The following RPUSD4 variants were observed in gnomAD, a reference collection of about 807,000 sequenced individuals.
The protein encoded by RPUSD4 is RNA pseudouridine synthase D4.
In RPUSD4, 37 loss-of-function variants were observed where a neutral mutation model predicts 35.4. That is an observed-to-expected ratio of 1.04 (90% confidence interval 0.80 to 1.37). RPUSD4 has a LOEUF of 1.37. RPUSD4 is among the 40% of genes most tolerant of loss of function. The pLI, the probability that RPUSD4 is intolerant of heterozygous loss-of-function variation, is 0.00. For missense variants in RPUSD4, 507 were observed against 484.9 expected, an observed-to-expected ratio of 1.05 and a Z score of -0.43; for synonymous variants, 210 against 192.7, an observed-to-expected ratio of 1.09 and a Z score of -0.74.
At chr11:126,209,815 C>T (rs1186399527) in intron 2 of RPUSD4, 93 bp from the exon 3 acceptor site, 21 of 1,034,710 alleles carry the variant, frequency 2.0e-5, no homozygotes. Context: ...GATAAACTGT[C>T]AATATTTTCT....
At chr11:126,211,106 GAAGACCTTCCATA>G in intron 1 of RPUSD4, 51 bp from the exon 2 acceptor site, 1 of 1,594,176 alleles carries the variant, frequency 6.3e-7, no homozygotes, top group Non-Finnish European at 8.6e-7. Flanking sequence ...AAGCCGTGGA[GAAGACCTTCCATA>G]AAGGTCTGGG....
chr11:126,204,203 G>T, intron 6 of RPUSD4, 28 bp downstream of exon 6: 1 of 1,484,004 alleles, frequency 6.7e-7, no homozygotes, highest in Non-Finnish European at 9.4e-7. Context: ...TCCCGTATCT[G>T]CTGCACATTG....
intron 1 of RPUSD4, 116 bp from the exon 2 acceptor site, chr11:126,211,171 G>A: frequency 1.6e-6 from 2 of 1,272,738 alleles, no homozygotes; most frequent in Non-Finnish European, 2.2e-6. Context: ...CATCAGACCC[G>A]CGCCGCCTTC....
At chr11:126,208,528 C>T (rs1163775783) in intron 3 of RPUSD4, 4 of 152,220 alleles carry the variant, frequency 2.6e-5, no homozygotes, top group Non-Finnish European at 5.9e-5. Flanking sequence ...TTCTTTTTTG[C>T]TCACGCATCT....
intron 2 of RPUSD4, among the ~76,000 whole-genome samples, chr11:126,210,204 C>T (rs1949830595): frequency 6.6e-6 from 1 of 152,074 alleles, no homozygotes; most frequent in East Asian, 1.9e-4. Flanking sequence ...ATCTGGAAAA[C>T]AACTTCATTG....
intron 2 of RPUSD4, among the ~76,000 whole-genome samples, chr11:126,210,314 A>G (rs762910866): frequency 1.3e-5 from 2 of 152,218 alleles, no homozygotes; most frequent in Non-Finnish European, 2.9e-5. Flanking sequence ...GTGAACAACT[A>G]TCTCCGTATC....
intron 1 of RPUSD4, 138 bp downstream of exon 1, chr11:126,211,312 G>T: frequency 9.5e-7 from 1 of 1,057,954 alleles, no homozygotes; most frequent in Non-Finnish European, 1.4e-6. Context: ...CCTCCCCTCC[G>T]CCTTCTCCCC....
intron 5 of RPUSD4, 66 bp from the exon 6 acceptor site, chr11:126,204,394 G>T: frequency 8.5e-7 from 1 of 1,174,624 alleles, no homozygotes; most frequent in Non-Finnish European, 1.2e-6. Context: ...TACCAGTATT[G>T]GCATCTGCTT....
In RPUSD4 at chr11:126,202,938, G is replaced by A. The variant is rs1421810162; in HGVS notation, c.*480C>T. ...ATACAGGTTCCCTAATCAGAGTTCAGTAGGGCACCCACACTATAGCTGGGC... is the reference window on the plus strand; with the variant it reads ...ATACAGGTTCCCTAATCAGAGTTCAATAGGGCACCCACACTATAGCTGGGC... On this transcript the variant is annotated 3_prime_UTR_variant, in exon 7 of 7. Coordinates refer to ENST00000298317, the MANE Select transcript of RPUSD4 (RefSeq NM_032795.3). The A allele has an allele frequency of 6.0e-6, 1 of 167,400 alleles. No individual in the cohort carries two copies. The highest frequency in any genetic ancestry group is 1.6e-4 in the East Asian group (1 of 6,352). 10.4% of individuals were successfully genotyped at this position (167,400 alleles called of 1,614,324 possible). A position where few individuals can be genotyped will look rare whatever the true frequency, so the allele number is the denominator to read the frequency against.
rs768503974 is a variant in RPUSD4 at position 126,205,748 on chromosome 11, T to C, written c.591A>G (p.Ala197=). 5.0e-6 allele frequency: 8 copies of C among 1,612,338 alleles called. No individual in the cohort carries two copies. Among genetic ancestry groups the C allele is most frequent in the South Asian group, 2.2e-5 (2 of 90,830 alleles). The change falls in exon 4 of 7, where the codon GCA becomes GCG. Residue 197 remains alanine (A), a synonymous_variant. Coordinates refer to ENST00000298317, the MANE Select transcript of RPUSD4 (RefSeq NM_032795.3). The part of the protein sequence containing the change: ...AITVHVPMPS[A]GVVDIPIVEK... The stretch of plus-strand genomic sequence containing the variant: ...CCACAATGGGGATGTCCACGACTCC[T>C]GCTGAGGGCATGGGGACATGCACAG...
rs746246254 is a variant in RPUSD4, at chr11:126,210,520, T to TACATACACACACACACAC, written c.355+369_355+370insGTGTGTGTGTGTGTATGT. On this transcript the variant is annotated intron_variant, in intron 2 of 6. Transcript: ENST00000298317. ...TATGTTACATATACTCCAACATACA[T>TACATACACACACACACAC]ACACACACACACACACACACACACA... Among the ~76,000 whole-genome samples the TACATACACACACACACAC allele has an allele frequency of 6.3e-3, 377 of 60,280 alleles. 1 individual carries two copies. Among genetic ancestry groups the TACATACACACACACACAC allele is most frequent in the Middle Eastern group, 9.8e-3 (1 of 102 alleles). The allele number at this position is 60,280 out of a possible 152,430, so 39.5% of individuals were successfully genotyped here.
chr11:126,203,453 C>G lies in RPUSD4; in HGVS notation c.1099G>C (p.Glu367Gln). ...RLEMPNEDQN[E>Q]NNEAKCLGAQ is the part of the protein sequence containing the mutation. ...CCCAGACACTTGGCTTCATTGTTCT[C>G]ATTTTGATCCTCATTTGGCATCTCT... Residue 367 changes from glutamate (E) to glutamine (Q), a missense_variant, in exon 7 of 7, where the codon GAG becomes CAG. Coordinates refer to ENST00000298317, the MANE Select transcript of RPUSD4 (RefSeq NM_032795.3). 2 of 1,614,050 alleles carry G rather than the reference C, an allele frequency of 1.2e-6. No individual in the cohort carries two copies. Among genetic ancestry groups the G allele is most frequent in the Non-Finnish European group, 1.7e-6 (2 of 1,180,026 alleles).
chr11:126,209,472 G>A, intron 3 of RPUSD4, 49 bp downstream of exon 3: 1 of 1,491,086 alleles, frequency 6.7e-7, no homozygotes, highest in Non-Finnish European at 9.3e-7. Flanking sequence ...ATAGGTGAAA[G>A]AAATGCCTCC....
chr11:126,205,851 A>G, intron 3 of RPUSD4, 70 bp from the exon 4 acceptor site: 4 of 1,216,320 alleles, frequency 3.3e-6, no homozygotes, highest in Non-Finnish European at 4.6e-6. Flanking sequence ...GGCCACTTAG[A>G]GGATTTCACG....
chr11:126,209,840 G>T, intron 2 of RPUSD4, 118 bp from the exon 3 acceptor site: 1 of 823,236 alleles, frequency 1.2e-6, no homozygotes, highest in South Asian at 1.7e-5. Flanking sequence ...CCTTACTACT[G>T]AAGTGTGGTC....
Position 126,204,326 on chromosome 11 carries a change from T to C in RPUSD4, c.799A>G (p.Ile267Val), listed in dbSNP as rs1292703778. The C allele has an allele frequency of 6.2e-7, 1 of 1,610,120 alleles. No individual in the cohort carries two copies. The highest frequency in any genetic ancestry group is 2.2e-5 in the East Asian group (1 of 44,824). Residue 267 changes from isoleucine (I) to valine (V), a missense_variant and splice_region_variant, in exon 6 of 7, where the codon ATA becomes GTA. By Grantham distance (29) the Ile-to-Val change is conservative (BLOSUM62 3). Transcript: ENST00000298317. ...AAGTGAACTCGAAGCTGATGTTTTA[T>C]TCCTTAAAAGAGAGAGAGAGAGAAA... ...ALVELQPITG[I>V]KHQLRVHLSF... is the part of the protein sequence containing the mutation.
chr11:126,205,401 G>C, intron 5 of RPUSD4, 67 bp downstream of exon 5: 1 of 1,594,768 alleles, frequency 6.3e-7, no homozygotes, highest in Non-Finnish European at 8.6e-7. Context: ...TGCTCAGAAC[G>C]AGGCCCTGGA....
At position 126,205,951 on chromosome 11, in the gene RPUSD4, ATTTCACAAGCTTATCTTT is replaced by A. The variant is rs568956172; in HGVS notation, c.558-188_558-171del. 1.2e-5 allele frequency: 6 copies of A among 488,526 alleles called. No individual in the cohort carries two copies. In the East Asian group the frequency reaches 1.9e-4, roughly 15 times the overall value. 30.3% of individuals were successfully genotyped at this position (488,526 alleles called of 1,614,324 possible). A position where few individuals can be genotyped will look rare whatever the true frequency, so the allele number is the denominator to read the frequency against. On this transcript the variant is annotated intron_variant, in intron 3 of 6. Transcript: ENST00000298317. ...TAATGCTTAGCCTGAGAGCTGATAG[ATTTCACAAGCTTATCTTT>A]TTTACTACTAAAGTCATACATGCTA...
intron 1 of RPUSD4, 103 bp from the exon 2 acceptor site, chr11:126,211,158 T>A: frequency 7.3e-7 from 1 of 1,370,662 alleles, no homozygotes; most frequent in Admixed American, 1.9e-5. Context: ...ATGACTATCT[T>A]TGCATCAGAC....
Sources: allele counts gnomAD v4.1 joint callset (sites outside exome capture counted in the v4.1 genomes callset), GRCh38; gene constraint gnomAD v4.1.1; transcripts MANE v1.5; gene names NCBI Gene and HGNC (gene_info 2026-07-23, HGNC 2026-07-21).